The following CNTNAP2 variants were observed in gnomAD, a reference collection of about 807,000 sequenced individuals.
CNTNAP2 encodes the protein contactin associated protein 2, also known as contactin-associated protein-like 2.
A neutral mutation model predicts 155.2 loss-of-function variants in CNTNAP2; 98 were observed. The ratio of observed to expected loss-of-function variants is 0.63; its 90% CI spans 0.54 to 0.75. CNTNAP2 has a LOEUF of 0.75. Among genes scored for constraint, CNTNAP2 ranks in the 30% least tolerant of loss-of-function variants. The pLI is 0.00. For missense variants in CNTNAP2, 1,727 were observed against 1,688.1 expected (o/e 1.02, Z -0.40); for synonymous variants, 651 against 631.2 (o/e 1.03, Z -0.47).
At chr7:146,771,511 C>A (rs1402012932) in intron 1 of CNTNAP2, among the ~76,000 whole-genome samples, 2 of 152,074 alleles carry the variant, frequency 1.3e-5, no homozygotes, top group Non-Finnish European at 2.9e-5. Flanking sequence ...AATATGAAAC[C>A]CATTACTTTA....
At chr7:148,147,820 C>A in intron 17 of CNTNAP2, 111 bp downstream of exon 17, 1 of 1,112,452 alleles carries the variant, frequency 9.0e-7, no homozygotes, top group Non-Finnish European at 1.3e-6. Context: ...GAGATCCTTC[C>A]AAAAGTAAAG....
At chr7:146,650,974 C>A (rs566209387) in intron 1 of CNTNAP2, among the ~76,000 whole-genome samples, 4 of 151,908 alleles carry the variant, frequency 2.6e-5, no homozygotes, top group Admixed American at 1.3e-4. Flanking sequence ...GAGATATGAT[C>A]ACGCTGGTGG....
intron 1 of CNTNAP2, among the ~76,000 whole-genome samples, chr7:146,645,051 A>G (rs906341946): frequency 6.6e-6 from 1 of 152,132 alleles, no homozygotes; most frequent in African/African-American, 2.4e-5. Flanking sequence ...TAGAGCAGAA[A>G]TTTTTTTAAA....
intron 21 of CNTNAP2, among the ~76,000 whole-genome samples, chr7:148,267,740 A>G (rs1198740167): frequency 6.6e-6 from 1 of 152,094 alleles, no homozygotes. Context: ...TGGTAATGGA[A>G]CAAACGTTGT....
At chr7:146,942,158 A>T (rs1357543009) in intron 3 of CNTNAP2, among the ~76,000 whole-genome samples, 1 of 151,910 alleles carries the variant, frequency 6.6e-6, no homozygotes, top group Non-Finnish European at 1.5e-5. Context: ...ATGTTGTCTC[A>T]TAATTCTTAT....
At chr7:147,311,064 G>A (rs1430093211) in intron 9 of CNTNAP2, among the ~76,000 whole-genome samples, 1 of 152,160 alleles carries the variant, frequency 6.6e-6, no homozygotes, top group Non-Finnish European at 1.5e-5. Flanking sequence ...AGGATGATGA[G>A]ATACTGAGAA....
chr7:146,978,176 T>C (rs544168900), intron 3 of CNTNAP2, among the ~76,000 whole-genome samples: 1 of 152,246 alleles, frequency 6.6e-6, no homozygotes, highest in African/African-American at 2.4e-5. Context: ...CTTTAAAAAT[T>C]TGAGATAATT....
chr7:147,984,150 G>A (rs1252166894), intron 15 of CNTNAP2, among the ~76,000 whole-genome samples: 4 of 152,180 alleles, frequency 2.6e-5, no homozygotes, highest in Non-Finnish European at 4.4e-5. Flanking sequence ...TGGCCCTGGT[G>A]GAAGTATGGC....
At chr7:146,787,148 A>T (rs950422689) in intron 2 of CNTNAP2, among the ~76,000 whole-genome samples, 12 of 152,120 alleles carry the variant, frequency 7.9e-5, no homozygotes, top group Non-Finnish European at 1.3e-4. Context: ...TCTTATAAGG[A>T]TCTACTCTTA....
chr7:146,265,305 TATAAAG>T lies in CNTNAP2; in HGVS notation c.97+148335_97+148340del, dbSNP rs530840886. Among the ~76,000 whole-genome samples, 180 of 152,328 alleles carry T rather than the reference TATAAAG, an allele frequency of 1.2e-3. 1 individual carries two copies. Among genetic ancestry groups the T allele is most frequent in the African/African-American group, 4.2e-3 (176 of 41,580 alleles). On this transcript the variant is annotated intron_variant, in intron 1 of 23. Transcript: ENST00000361727. ...TGCCATTTAATAACATTTAAAGTGT[TATAAAG>T]ATGCAATTTTAAATTACAAGTGGAT...
chr7:148,364,156 G>A (rs1441434947), intron 21 of CNTNAP2, among the ~76,000 whole-genome samples: 23 of 152,304 alleles, frequency 1.5e-4, no homozygotes, highest in East Asian at 3.9e-4. Context: ...GCTCCACAGC[G>A]CCCAGTCCCA....
intron 2 of CNTNAP2, among the ~76,000 whole-genome samples, chr7:146,811,579 A>G (rs910526797): frequency 2.0e-5 from 3 of 151,752 alleles, no homozygotes; most frequent in Admixed American, 1.3e-4. Context: ...TTTCAAAAAA[A>G]CTCAGTTTCA....
chr7:146,979,638 T>C (rs1797976294), intron 3 of CNTNAP2, among the ~76,000 whole-genome samples: 1 of 152,166 alleles, frequency 6.6e-6, no homozygotes, highest in African/African-American at 2.4e-5. Context: ...TCCAACACTA[T>C]GAGCAGTGTT....
chr7:146,160,294 C>T (rs1000029956), intron 1 of CNTNAP2, among the ~76,000 whole-genome samples: 1 of 151,850 alleles, frequency 6.6e-6, no homozygotes, highest in African/African-American at 2.4e-5. Flanking sequence ...TAGAAAAGCA[C>T]GAGCAAACAC....
At chr7:147,897,368 A>G (rs1799794239) in intron 13 of CNTNAP2, among the ~76,000 whole-genome samples, 1 of 152,164 alleles carries the variant, frequency 6.6e-6, no homozygotes, top group Admixed American at 6.5e-5. Context: ...TGGGCAGGAC[A>G]AAGGAGTCAT....
chr7:146,778,287 G>A (rs1802425037), intron 2 of CNTNAP2, among the ~76,000 whole-genome samples: 1 of 152,168 alleles, frequency 6.6e-6, no homozygotes, highest in Non-Finnish European at 1.5e-5. Flanking sequence ...ATATTCAAAT[G>A]ACAGATTGTC....
intron 2 of CNTNAP2, among the ~76,000 whole-genome samples, chr7:146,832,467 C>T (rs1481227911): frequency 6.7e-6 from 1 of 148,530 alleles, no homozygotes; most frequent in Non-Finnish European, 1.5e-5. Context: ...TATACATTAA[C>T]ATATATATTT....
At chr7:147,206,263 TAAA>T (rs36073630) in intron 8 of CNTNAP2, among the ~76,000 whole-genome samples, 1 of 139,118 alleles carries the variant, frequency 7.2e-6, no homozygotes. Context: ...TAAACCTGTA[TAAA>T]AAAAAAAAAA....
At chr7:148,214,695 C>T (rs981858579) in intron 18 of CNTNAP2, among the ~76,000 whole-genome samples, 3 of 152,040 alleles carry the variant, frequency 2.0e-5, no homozygotes, top group Admixed American at 2.0e-4. Context: ...CTCAGCCTCC[C>T]GAGTAGCTAG....
Sources: allele counts gnomAD v4.1 joint callset (sites outside exome capture counted in the v4.1 genomes callset), GRCh38; gene constraint gnomAD v4.1.1; transcripts MANE v1.5; gene names NCBI Gene and HGNC (gene_info 2026-07-23, HGNC 2026-07-21).